The following GAREM1 variants were observed in gnomAD, a reference collection of about 807,000 sequenced individuals.
GAREM1 encodes GRB2 associated regulator of MAPK1 subtype 1.
GAREM1 carries 26 observed loss-of-function variants against 71.3 expected under a neutral mutation model. That is an observed-to-expected ratio of 0.36 (90% confidence interval 0.27 to 0.51). The LOEUF (loss-of-function observed/expected upper bound fraction) is 0.51, where lower values mean the gene tolerates loss of function less well. Among genes scored for constraint, GAREM1 ranks in the 20% least tolerant of loss-of-function variants. GAREM1 has a pLI of 0.95. For synonymous variants in GAREM1, 440 were observed against 433.2 expected, an observed-to-expected ratio of 1.02 and a Z score of -0.20; for missense variants, 1,026 against 1,103.1, an observed-to-expected ratio of 0.93 and a Z score of 0.99.
chr18:32,348,271 C>G (rs2047714817), intron 2 of GAREM1, among the ~76,000 whole-genome samples: 2 of 152,160 alleles, frequency 1.3e-5, no homozygotes, highest in Non-Finnish European at 2.9e-5. Context: ...ATTAACAATA[C>G]TTAGTGTTTT....
rs2144656891 is a variant in GAREM1, at chr18:32,391,240, G to C, written c.262+1655C>G. ...ATGGAAAAGTGTCTAGTATGTTCAG[G>C]AAACAGTTAGACGACTAATGTAGCA... On this transcript the variant is annotated intron_variant, in intron 2 of 5. Transcript: ENST00000269209. 2.0e-5 allele frequency among the ~76,000 whole-genome samples: 3 copies of C among 152,290 alleles called. No individual in the cohort carries two copies. In the South Asian group the frequency reaches 6.2e-4, roughly 32 times the overall value.
intron 3 of GAREM1, among the ~76,000 whole-genome samples, chr18:32,300,924 A>AAG (rs1555632604): frequency 4.0e-5 from 6 of 149,128 alleles, no homozygotes; most frequent in Non-Finnish European, 5.9e-5. Flanking sequence ...AAAAAAAAAA[A>AAG]AAGAAGAAGG....
At chr18:32,429,017 G>A (rs1349522238) in intron 1 of GAREM1, among the ~76,000 whole-genome samples, 1 of 151,580 alleles carries the variant, frequency 6.6e-6, no homozygotes, top group Non-Finnish European at 1.5e-5. Context: ...GTTTCTTTAT[G>A]TACTACCCTC....
chr18:32,387,501 T>C (rs575460579), intron 2 of GAREM1, among the ~76,000 whole-genome samples: 14 of 152,334 alleles, frequency 9.2e-5, no homozygotes, highest in Admixed American at 6.5e-4. Flanking sequence ...GTGATGTCTT[T>C]TGAATACAAT....
chr18:32,376,830 C>T (rs1390311387), intron 2 of GAREM1, among the ~76,000 whole-genome samples: 2 of 152,100 alleles, frequency 1.3e-5, no homozygotes, highest in Non-Finnish European at 1.5e-5. Context: ...AAGAGCAAAA[C>T]TGTCTCAAAA....
At chr18:32,332,398 T>C (rs2047546280) in intron 2 of GAREM1, among the ~76,000 whole-genome samples, 1 of 150,666 alleles carries the variant, frequency 6.6e-6, no homozygotes, top group Non-Finnish European at 1.5e-5. Context: ...CATGGGGGGG[T>C]TGGAGATATA....
At chr18:32,417,289 C>T (rs2048474777) in intron 1 of GAREM1, among the ~76,000 whole-genome samples, 1 of 152,136 alleles carries the variant, frequency 6.6e-6, no homozygotes, top group Non-Finnish European at 1.5e-5. Context: ...ATTAGTACAA[C>T]CACTTTGGAG....
chr18:32,464,163 T>A (rs923335688), intron 1 of GAREM1, among the ~76,000 whole-genome samples: 1 of 151,886 alleles, frequency 6.6e-6, no homozygotes, highest in Non-Finnish European at 1.5e-5. Context: ...TGGTAGTGCA[T>A]GCCTGTAAGC....
intron 1 of GAREM1, among the ~76,000 whole-genome samples, chr18:32,465,047 A>G (rs2048986605): frequency 6.6e-6 from 1 of 152,168 alleles, no homozygotes; most frequent in African/African-American, 2.4e-5. Flanking sequence ...AGACCTGACC[A>G]AGATCACATG....
At chr18:32,435,946 G>GT (rs1276034844) in intron 1 of GAREM1, among the ~76,000 whole-genome samples, 3 of 152,192 alleles carry the variant, frequency 2.0e-5, no homozygotes, top group Non-Finnish European at 4.4e-5. Context: ...AGGTCTCCTA[G>GT]TTAAGCAGTA....
chr18:32,447,137 T>C (rs13381541), intron 1 of GAREM1, among the ~76,000 whole-genome samples: 21,995 of 152,092 alleles, frequency 0.14, 1,907 homozygotes, highest in East Asian at 0.39. Flanking sequence ...TTCAAGGCAA[T>C]AATCACCACC....
At chr18:32,278,216 G>A (rs894495219) in intron 4 of GAREM1, among the ~76,000 whole-genome samples, 1 of 152,154 alleles carries the variant, frequency 6.6e-6, no homozygotes, top group Non-Finnish European at 1.5e-5. Flanking sequence ...GAGCAGTGGT[G>A]GGTGCTCAAC....
At chr18:32,424,051 A>G (rs60451418) in intron 1 of GAREM1, among the ~76,000 whole-genome samples, 33,789 of 151,794 alleles carry the variant, frequency 0.22, 4,490 homozygotes, top group East Asian at 0.39. Context: ...TGAGAGGATC[A>G]CTTGAGCCCA....
At position 32,333,411 on chromosome 18, in the gene GAREM1, C is replaced by T. The variant is rs1015777674; in HGVS notation, c.263-23088G>A. ...CACTAGTGTCTGGGGCTACAGAGGGCCAAGGAGCAGACAAGGGAAAGACCA... is the reference window on the plus strand; with the variant it reads ...CACTAGTGTCTGGGGCTACAGAGGGTCAAGGAGCAGACAAGGGAAAGACCA... On this transcript the variant is annotated intron_variant, in intron 2 of 5. Coordinates refer to ENST00000269209, the MANE Select transcript of GAREM1 (RefSeq NM_001242409.2). Among the ~76,000 whole-genome samples, 11 of 152,132 alleles carry T rather than the reference C, an allele frequency of 7.2e-5. No homozygotes were observed. In the East Asian group the frequency reaches 2.1e-3, roughly 29 times the overall value.
chr18:32,411,762 T>C (rs1314847015), intron 1 of GAREM1, among the ~76,000 whole-genome samples: 3 of 152,018 alleles, frequency 2.0e-5, no homozygotes, highest in Non-Finnish European at 4.4e-5. Context: ...CCCAAGCAGG[T>C]TGTATATAAA....
At chr18:32,300,332 T>C (rs755541747) in intron 3 of GAREM1, among the ~76,000 whole-genome samples, 5 of 152,200 alleles carry the variant, frequency 3.3e-5, no homozygotes, top group Non-Finnish European at 5.9e-5. Context: ...AAACTAAGAA[T>C]TGTATTTTAA....
chr18:32,396,904 G>A (rs1323366771), intron 1 of GAREM1, among the ~76,000 whole-genome samples: 2 of 152,170 alleles, frequency 1.3e-5, no homozygotes, highest in Non-Finnish European at 2.9e-5. Context: ...GGCAGCCAGA[G>A]AGAAAGGTCG....
At chr18:32,281,413 T>C (rs2046950459) in intron 4 of GAREM1, among the ~76,000 whole-genome samples, 1 of 152,258 alleles carries the variant, frequency 6.6e-6, no homozygotes, top group Admixed American at 6.5e-5. Flanking sequence ...GTGTGCTTCA[T>C]TAAAGAAACT....
chr18:32,384,043 C>A (rs146137578), intron 2 of GAREM1, among the ~76,000 whole-genome samples: 2 of 152,220 alleles, frequency 1.3e-5, no homozygotes, highest in African/African-American at 4.8e-5. Context: ...TCATAAAGCT[C>A]TTATTTTAAG....
Sources: gnomAD v4.1 joint callset for allele counts (sites outside exome capture counted in the v4.1 genomes callset) on GRCh38, gnomAD v4.1.1 for gene constraint, MANE v1.5 for transcripts, NCBI Gene and HGNC (gene_info 2026-07-23, HGNC 2026-07-21) for gene names.